The following KDM4C variants were observed in gnomAD, a reference collection of about 807,000 sequenced individuals.
KDM4C encodes the protein lysine-specific demethylase 4C.
A neutral mutation model predicts 129.3 loss-of-function variants in KDM4C; 81 were observed. The ratio of observed to expected loss-of-function variants is 0.63; its 90% confidence interval spans 0.52 to 0.75. The LOEUF (loss-of-function observed/expected upper bound fraction) is 0.75, where lower values mean the gene tolerates loss of function less well. Ranked by LOEUF, KDM4C falls within the 30% of genes least tolerant of loss-of-function variation. The pLI is 0.00. For synonymous variants in KDM4C, 573 were observed against 456.1 expected (o/e 1.26, Z -3.26); for missense variants, 1,457 against 1,304.0 (o/e 1.12, Z -1.81).
intron 8 of KDM4C, among the ~76,000 whole-genome samples, chr9:6,949,467 C>T (rs974562353): frequency 6.6e-6 from 1 of 152,188 alleles, no homozygotes; most frequent in Non-Finnish European, 1.5e-5. Flanking sequence ...GTAATCTCGG[C>T]ACTTTGGGAG....
intron 4 of KDM4C, among the ~76,000 whole-genome samples, chr9:6,830,973 C>G (rs1244051297): frequency 6.6e-6 from 1 of 152,220 alleles, no homozygotes; most frequent in Non-Finnish European, 1.5e-5. Flanking sequence ...TTTATTTAAA[C>G]TGGGATTTTC....
At chr9:6,856,901 G>C (rs551527273) in intron 5 of KDM4C, among the ~76,000 whole-genome samples, 1 of 152,060 alleles carries the variant, frequency 6.6e-6, no homozygotes, top group South Asian at 2.1e-4. Context: ...GGGACTACAG[G>C]CGCCCGCCAC....
At chr9:6,749,056 G>T (rs1361328128) in intron 1 of KDM4C, 1 of 553,408 alleles carries the variant, frequency 1.8e-6, no homozygotes, top group Non-Finnish European at 3.4e-6. Flanking sequence ...TTTTGCTCTT[G>T]TTGCCCAGGC....
chr9:6,889,211 TTGTGTGTGTGTGTGTG>T (rs34443147), intron 7 of KDM4C, among the ~76,000 whole-genome samples: 124 of 61,614 alleles, frequency 2.0e-3, no homozygotes, highest in African/African-American at 8.0e-3. Context: ...GGCCTTCTTT[TTGTGTGTGTGTGTGTG>T]TGTGTGTGTG....
At chr9:6,916,424 C>T (rs1053394748) in intron 8 of KDM4C, among the ~76,000 whole-genome samples, 1 of 151,882 alleles carries the variant, frequency 6.6e-6, no homozygotes, top group Non-Finnish European at 1.5e-5. Context: ...CACAGCCTTC[C>T]GAGCAGCTGG....
At chr9:6,891,933 A>G (rs1453033345) in intron 7 of KDM4C, among the ~76,000 whole-genome samples, 1 of 152,184 alleles carries the variant, frequency 6.6e-6, no homozygotes, top group Non-Finnish European at 1.5e-5. Flanking sequence ...TACATTTATT[A>G]TCTGAGCATT....
At chr9:6,904,238 C>CA (rs900932068) in intron 8 of KDM4C, among the ~76,000 whole-genome samples, 17 of 149,186 alleles carry the variant, frequency 1.1e-4, no homozygotes, top group African/African-American at 3.4e-4. Flanking sequence ...GACTCCATCT[C>CA]AAAAAAAAGA....
At chr9:6,811,636 C>G (rs182145108) in intron 3 of KDM4C, among the ~76,000 whole-genome samples, 11 of 152,194 alleles carry the variant, frequency 7.2e-5, no homozygotes, top group African/African-American at 2.2e-4. Context: ...GTACTTTCCT[C>G]TAGGCACAGA....
At chr9:7,022,054 A>G (rs1358605662) in intron 15 of KDM4C, among the ~76,000 whole-genome samples, 1 of 152,132 alleles carries the variant, frequency 6.6e-6, no homozygotes, top group African/African-American at 2.4e-5. Flanking sequence ...TTTGGTTACT[A>G]CAGCTCTGTA....
In KDM4C at chr9:7,005,762, C is replaced by T. The variant is rs146246496; in HGVS notation, c.1787-5936C>T. Among the ~76,000 whole-genome samples the T allele has an allele frequency of 4.4e-3, 677 of 152,294 alleles. 5 individuals carry two copies. The highest frequency in any genetic ancestry group is 0.015 in the African/African-American group (615 of 41,564). ...GCAGCTTTATGGCTATCTCATATAA[C>T]TTGTTGGAAAACCCTGACATTTAAC... On this transcript the variant is annotated intron_variant, in intron 12 of 21. Transcript: ENST00000381309.
intron 17 of KDM4C, among the ~76,000 whole-genome samples, chr9:7,070,256 G>C (rs953906879): frequency 1.3e-5 from 2 of 152,130 alleles, no homozygotes; most frequent in African/African-American, 4.8e-5. Flanking sequence ...TAAAACTGCA[G>C]GCCCAGATGC....
Position 7,122,260 on chromosome 9 carries a change from C to CACACAT in KDM4C, c.2611-5801_2611-5800insTACACA, listed in dbSNP as rs1669060258. ...GATGCCACACACACACACACACACA[C>CACACAT]ACACACTCTCTCTCTCTCTCTCTCT... On this transcript the variant is annotated intron_variant, in intron 18 of 21. Transcript: ENST00000381309. Among the ~76,000 whole-genome samples, 17 of 135,092 alleles carry CACACAT rather than the reference C, an allele frequency of 1.3e-4. 1 individual carries two copies. The South Asian group carries it at 3.7e-3, about 29-fold the overall frequency. The allele number at this position is 135,092 out of a possible 152,430, so 88.6% of individuals were successfully genotyped here. A position where few individuals can be genotyped will look rare whatever the true frequency, so the allele number is the denominator to read the frequency against.
At chr9:6,886,849 C>G (rs62535690) in intron 6 of KDM4C, among the ~76,000 whole-genome samples, 11,916 of 152,066 alleles carry the variant, frequency 0.078, 696 homozygotes, top group Non-Finnish European at 0.12. Context: ...AACTCCTGGC[C>G]TCAAGTGATC....
At position 7,011,874 on chromosome 9, in the gene KDM4C, C is replaced by T. The variant is rs772360438; in HGVS notation, c.1963C>T (p.His655Tyr). Residue 655 changes from histidine to tyrosine, a missense_variant, in exon 13 of 22, where the codon CAC (histidine) becomes TAC (tyrosine). Coordinates refer to ENST00000381309, the MANE Select transcript of KDM4C (RefSeq NM_015061.6). Reference protein sequence around the residue: ...CAICTLLMPYHKPDSSNEEND... With the variant: ...CAICTLLMPYYKPDSSNEEND... ...CATCTGCACTCTGCTCATGCCGTAC[C>T]ACAAGGTAAAGGAGCCTGCTATCAT... 1.2e-6 allele frequency: 2 copies of T among 1,613,030 alleles called. No individual in the cohort carries two copies. Among genetic ancestry groups the T allele is most frequent in the Non-Finnish European group, 1.7e-6 (2 of 1,179,564 alleles).
intron 17 of KDM4C, among the ~76,000 whole-genome samples, chr9:7,101,553 T>C (rs1040357202): frequency 6.6e-6 from 1 of 152,244 alleles, no homozygotes; most frequent in African/African-American, 2.4e-5. Flanking sequence ...GTTTACTTCC[T>C]AAGGAAACTG....
Position 7,137,514 on chromosome 9 carries a change from A to G in KDM4C, c.2781+9278A>G, listed in dbSNP as rs143563465. Among the ~76,000 whole-genome samples, 425 of 152,324 alleles carry G rather than the reference A, an allele frequency of 2.8e-3. 1 individual carries two copies. Among genetic ancestry groups the G allele is most frequent in the Non-Finnish European group, 4.7e-3 (321 of 68,028 alleles). ...CTATGATGCAAAATTTTACACTTTT[A>G]AATCGTTTCTTGCTGTAATTTTATT... On this transcript the variant is annotated intron_variant, in intron 19 of 21. Transcript: ENST00000381309.
At chr9:6,838,527 T>A (rs527498838) in intron 4 of KDM4C, among the ~76,000 whole-genome samples, 152 of 152,202 alleles carry the variant, frequency 1.0e-3, no homozygotes, top group African/African-American at 3.6e-3. Flanking sequence ...GTCTTTTATT[T>A]GACTGGACGT....
chr9:6,957,987 G>A lies in KDM4C; in HGVS notation c.922-22938G>A, dbSNP rs531684666. 7.2e-5 allele frequency among the ~76,000 whole-genome samples: 11 copies of A among 152,228 alleles called. No homozygotes were observed. The South Asian group carries it at 2.3e-3, about 32-fold the overall frequency. ...CATGGAGAAGTTGGGTGGTGAGACG[G>A]TGTGACCTCCAAGTATATTGCTTCT... On this transcript the variant is annotated intron_variant, in intron 8 of 21. Coordinates refer to ENST00000381309, the MANE Select transcript of KDM4C (RefSeq NM_015061.6).
At chr9:6,976,058 G>A (rs998830828) in intron 8 of KDM4C, among the ~76,000 whole-genome samples, 2 of 147,530 alleles carry the variant, frequency 1.4e-5, no homozygotes, top group Non-Finnish European at 3.0e-5. Flanking sequence ...TAAAAAATCA[G>A]TTAGGGGATT....
Sources: gnomAD v4.1 joint callset for allele counts (sites outside exome capture counted in the v4.1 genomes callset) on GRCh38, gnomAD v4.1.1 for gene constraint, MANE v1.5 for transcripts, NCBI Gene and HGNC (gene_info 2026-07-23, HGNC 2026-07-21) for gene names.